Variants in NOS1AP observed in about 807,000 individuals in gnomAD.
NOS1AP encodes nitric oxide synthase 1 adaptor protein, also known as carboxyl-terminal PDZ ligand of neuronal nitric oxide synthase protein.
Under a neutral mutation model 56.2 loss-of-function variants are expected in NOS1AP, and 21 were observed. The observed-to-expected ratio is 0.37, with a 90% CI of 0.26 to 0.54. The LOEUF (loss-of-function observed/expected upper bound fraction) is 0.54. Among genes scored for constraint, NOS1AP ranks in the 20% least tolerant of loss-of-function variants. The pLI is 0.84. For missense variants in NOS1AP, 522 were observed against 657.8 expected (o/e 0.79, Z 2.26); for synonymous variants, 270 against 274.6 (o/e 0.98, Z 0.17).
At chr1:162,138,365 A>T (rs1649092455) in intron 1 of NOS1AP, among the ~76,000 whole-genome samples, 1 of 152,174 alleles carries the variant, frequency 6.6e-6, no homozygotes, top group Non-Finnish European at 1.5e-5. Flanking sequence ...CCAAGAGGAT[A>T]AGACTTTGTG....
At chr1:162,260,275 C>T (rs1654164676) in intron 2 of NOS1AP, among the ~76,000 whole-genome samples, 1 of 152,188 alleles carries the variant, frequency 6.6e-6, no homozygotes, top group South Asian at 2.1e-4. Flanking sequence ...TTGTGAAATA[C>T]ATCCCTCCTT....
intron 2 of NOS1AP, among the ~76,000 whole-genome samples, chr1:162,195,275 C>T (rs997756671): frequency 4.6e-5 from 7 of 152,036 alleles, no homozygotes; most frequent in Admixed American, 3.9e-4. Context: ...TATTTCTCAG[C>T]ATGAAGTTGG....
intron 1 of NOS1AP, among the ~76,000 whole-genome samples, chr1:162,118,748 T>C (rs1648074213): frequency 6.6e-6 from 1 of 152,250 alleles, no homozygotes; most frequent in South Asian, 2.1e-4. Context: ...TTTCTCAATT[T>C]GCTCCATGTT....
In NOS1AP at chr1:162,088,959, G is replaced by C. The variant is rs569445137; in HGVS notation, c.105+18677G>C. ...GTATCAGGGATTTTCTCTCCCTCTC[G>C]CCATTCTCCTTCCCCTTCATCTCTC... is the stretch of plus-strand genomic sequence containing the variant. On this transcript the variant is annotated intron_variant, in intron 1 of 9. Transcript: ENST00000361897. Among the ~76,000 whole-genome samples, 4 of 152,094 alleles carry C rather than the reference G, an allele frequency of 2.6e-5. No individual in the cohort carries two copies. The South Asian group carries it at 8.3e-4, about 32-fold the overall frequency.
chr1:162,113,618 C>T (rs116896228), intron 1 of NOS1AP, among the ~76,000 whole-genome samples: 2 of 152,170 alleles, frequency 1.3e-5, no homozygotes, highest in East Asian at 3.9e-4. Context: ...ATGGCCGGAA[C>T]GGGAGGAAGT....
At chr1:162,173,629 G>A (rs932006188) in intron 2 of NOS1AP, among the ~76,000 whole-genome samples, 1 of 152,076 alleles carries the variant, frequency 6.6e-6, no homozygotes, top group Non-Finnish European at 1.5e-5. Flanking sequence ...GAGTGAACAG[G>A]CAACCTACAG....
chr1:162,222,167 C>T (rs1457033223), intron 2 of NOS1AP, among the ~76,000 whole-genome samples: 4 of 152,168 alleles, frequency 2.6e-5, no homozygotes, highest in Non-Finnish European at 5.9e-5. Flanking sequence ...TATCAAATTA[C>T]TCTTCAAAAA....
chr1:162,282,240 T>C (rs552388824), intron 2 of NOS1AP, among the ~76,000 whole-genome samples: 2 of 152,358 alleles, frequency 1.3e-5, no homozygotes, highest in East Asian at 3.9e-4. Flanking sequence ...CTGTACCTGT[T>C]AAACAACTTC....
chr1:162,104,954 G>A (rs1335996888), intron 1 of NOS1AP, among the ~76,000 whole-genome samples: 2 of 152,136 alleles, frequency 1.3e-5, no homozygotes, highest in East Asian at 1.9e-4. Flanking sequence ...TTGCTGGAGA[G>A]GTGTTGTGGT....
chr1:162,081,774 A>ATATATATATATTTTTTTTTTTT, intron 1 of NOS1AP, among the ~76,000 whole-genome samples: 65 of 44,028 alleles, frequency 1.5e-3, no homozygotes, highest in South Asian at 3.0e-3. Flanking sequence ...ATATATATAT[A>ATATATATATATTTTTTTTTTTT]TTTTTTTTTT....
intron 2 of NOS1AP, among the ~76,000 whole-genome samples, chr1:162,225,954 G>C (rs1652927646): frequency 6.6e-6 from 1 of 152,188 alleles, no homozygotes; most frequent in Non-Finnish European, 1.5e-5. Flanking sequence ...ATGTTATAGA[G>C]AAACGAAAGC....
chr1:162,216,005 A>G (rs925214693), intron 2 of NOS1AP, among the ~76,000 whole-genome samples: 3 of 152,040 alleles, frequency 2.0e-5, no homozygotes, highest in Non-Finnish European at 2.9e-5. Flanking sequence ...GTGTGTGTTC[A>G]CCCGTTTGTG....
chr1:162,105,539 G>A (rs1377923845), intron 1 of NOS1AP, among the ~76,000 whole-genome samples: 5 of 152,206 alleles, frequency 3.3e-5, no homozygotes, highest in East Asian at 1.9e-4. Context: ...GATGGTGGCC[G>A]CCTCTCCCCC....
chr1:162,360,157 G>A (rs1657852703), intron 8 of NOS1AP, among the ~76,000 whole-genome samples: 2 of 152,028 alleles, frequency 1.3e-5, no homozygotes, highest in Admixed American at 6.6e-5. Context: ...GTTCTGAGCT[G>A]GTCTCAAAGG....
chr1:162,222,590 A>T (rs1443133268), intron 2 of NOS1AP, among the ~76,000 whole-genome samples: 2 of 152,162 alleles, frequency 1.3e-5, no homozygotes, highest in African/African-American at 4.8e-5. Context: ...AAATTATTTG[A>T]TGCTAACTCT....
At chr1:162,108,176 G>A (rs752904466) in intron 1 of NOS1AP, among the ~76,000 whole-genome samples, 1 of 152,146 alleles carries the variant, frequency 6.6e-6, no homozygotes, top group Non-Finnish European at 1.5e-5. Context: ...TGAAACAATG[G>A]CTGCTTTCAG....
intron 2 of NOS1AP, among the ~76,000 whole-genome samples, chr1:162,174,087 C>T (rs1454082713): frequency 1.3e-5 from 2 of 152,162 alleles, no homozygotes; most frequent in African/African-American, 4.8e-5. Context: ...ATAAATCATG[C>T]TGCTATAAAG....
chr1:162,350,111 G>GT (rs965710221), intron 6 of NOS1AP, among the ~76,000 whole-genome samples: 94 of 152,042 alleles, frequency 6.2e-4, no homozygotes, highest in African/African-American at 2.1e-3. Context: ...GTTGGCTGTT[G>GT]TTTTTTTTAC....
chr1:162,179,566 C>G (rs925148269), intron 2 of NOS1AP, among the ~76,000 whole-genome samples: 2 of 152,122 alleles, frequency 1.3e-5, no homozygotes, highest in Non-Finnish European at 2.9e-5. Context: ...AATGCTGCAG[C>G]GATTATGCAA....
Sources: allele counts gnomAD v4.1 joint callset (sites outside exome capture counted in the v4.1 genomes callset), GRCh38; gene constraint gnomAD v4.1.1; transcripts MANE v1.5; gene names NCBI Gene and HGNC (gene_info 2026-07-23, HGNC 2026-07-21).